Variants in RBFOX1 observed in about 807,000 individuals in gnomAD.
RBFOX1 encodes the protein RNA binding protein fox-1 homolog 1.
RBFOX1 carries 8 observed loss-of-function variants against 57.7 expected under a neutral mutation model. That is an observed-to-expected ratio of 0.14 (90% CI 0.08 to 0.25). The LOEUF (loss-of-function observed/expected upper bound fraction) is 0.25. Among genes scored for constraint, RBFOX1 ranks in the 10% least tolerant of loss-of-function variants. RBFOX1 has a pLI of 1.00. For missense variants in RBFOX1, 611 were observed against 548.5 expected, an observed-to-expected ratio of 1.11 and a Z score of -1.14; for synonymous variants, 326 against 222.4, an observed-to-expected ratio of 1.47 and a Z score of -4.15.
intron 4 of RBFOX1, among the ~76,000 whole-genome samples, chr16:7,256,656 C>G (rs1012026918): frequency 6.6e-5 from 10 of 152,306 alleles, no homozygotes; most frequent in African/African-American, 2.2e-4. Context: ...CCTCTTGTAA[C>G]TAAGAATCCA....
intron 14 of RBFOX1, among the ~76,000 whole-genome samples, chr16:7,678,124 G>T (rs1199448682): frequency 3.3e-5 from 5 of 152,174 alleles, no homozygotes; most frequent in Non-Finnish European, 7.4e-5. Context: ...TTCTATGCAG[G>T]TATCATTTTC....
chr16:5,385,282 C>T (rs2066228219), intron 1 of RBFOX1, among the ~76,000 whole-genome samples: 1 of 152,190 alleles, frequency 6.6e-6, no homozygotes, highest in Non-Finnish European at 1.5e-5. Context: ...CCCTTCTAGG[C>T]TGCACTGATT....
At chr16:7,658,066 G>A (rs112782008) in intron 12 of RBFOX1, among the ~76,000 whole-genome samples, 2,766 of 152,254 alleles carry the variant, frequency 0.018, 40 homozygotes, top group Middle Eastern at 0.037. Context: ...GTCGATAGAG[G>A]GTGAAGCAGG....
At chr16:5,960,376 C>T (rs2059724259) in intron 4 of RBFOX1, among the ~76,000 whole-genome samples, 1 of 152,092 alleles carries the variant, frequency 6.6e-6, no homozygotes, top group Non-Finnish European at 1.5e-5. Flanking sequence ...GAAGGTGACC[C>T]AAACCTATTA....
chr16:6,306,925 GC>G (rs1427718159), intron 1 of RBFOX1, among the ~76,000 whole-genome samples: 1 of 152,140 alleles, frequency 6.6e-6, no homozygotes, highest in Non-Finnish European at 1.5e-5. Flanking sequence ...GGAAGATATA[GC>G]TACTTTGTGA....
At chr16:5,695,514 T>C (rs2050819453) in intron 3 of RBFOX1, among the ~76,000 whole-genome samples, 1 of 152,200 alleles carries the variant, frequency 6.6e-6, no homozygotes. Context: ...GGATGGGGAA[T>C]TTGATGATAG....
chr16:7,647,593 C>T (rs368779721), intron 11 of RBFOX1, among the ~76,000 whole-genome samples: 3 of 151,556 alleles, frequency 2.0e-5, no homozygotes, highest in East Asian at 3.9e-4. Flanking sequence ...TTAGAAATGA[C>T]CATTGTTTGG....
At position 7,145,812 on chromosome 16, in the gene RBFOX1, C is replaced by G. The variant is rs545829212; in HGVS notation, c.27+93714C>G. ...CTATACCTCTCTCTGTTTGTGTTCCCGCACACACACTACTTCTCCATGGCT... is the reference window on the plus strand; with the variant it reads ...CTATACCTCTCTCTGTTTGTGTTCCGGCACACACACTACTTCTCCATGGCT... On this transcript the variant is annotated intron_variant, in intron 4 of 15. Transcript: ENST00000550418. 9.2e-5 allele frequency among the ~76,000 whole-genome samples: 14 copies of G among 152,224 alleles called. No homozygotes were observed. The East Asian group carries it at 2.1e-3, about 23-fold the overall frequency.
At chr16:6,087,233 TC>T (rs2096099899) in intron 1 of RBFOX1, among the ~76,000 whole-genome samples, 1 of 152,176 alleles carries the variant, frequency 6.6e-6, no homozygotes, top group African/African-American at 2.4e-5. Context: ...GGAATTTAGG[TC>T]CAACGAAAAG....
intron 2 of RBFOX1, among the ~76,000 whole-genome samples, chr16:6,573,356 C>G (rs1414848409): frequency 6.6e-6 from 1 of 152,170 alleles, no homozygotes; most frequent in Non-Finnish European, 1.5e-5. Flanking sequence ...CCCGGACTGT[C>G]TTTCTCTCAG....
chr16:5,977,253 CCT>C (rs1271919632), intron 4 of RBFOX1, among the ~76,000 whole-genome samples: 2 of 152,182 alleles, frequency 1.3e-5, no homozygotes, highest in Non-Finnish European at 2.9e-5. Flanking sequence ...CTCCTCACCA[CCT>C]CTCTGCCTGC....
chr16:6,166,884 C>T (rs1446307037), intron 1 of RBFOX1, among the ~76,000 whole-genome samples: 1 of 152,180 alleles, frequency 6.6e-6, no homozygotes, highest in Non-Finnish European at 1.5e-5. Flanking sequence ...AGCAATTCTT[C>T]CGCCTCAGCC....
intron 4 of RBFOX1, among the ~76,000 whole-genome samples, chr16:7,340,427 C>A (rs1314424487): frequency 6.6e-6 from 1 of 152,138 alleles, no homozygotes; most frequent in East Asian, 1.9e-4. Context: ...ATCAGATTTG[C>A]CAAAGGCAGG....
At chr16:5,319,322 C>T (rs577536999) in intron 1 of RBFOX1, among the ~76,000 whole-genome samples, 13 of 152,308 alleles carry the variant, frequency 8.5e-5, no homozygotes, top group African/African-American at 2.9e-4. Context: ...GCCAAGCATT[C>T]ACTCCTAAGC....
intron 3 of RBFOX1, among the ~76,000 whole-genome samples, chr16:5,802,604 G>A (rs955343799): frequency 6.6e-6 from 1 of 152,290 alleles, no homozygotes; most frequent in Non-Finnish European, 1.5e-5. Context: ...AGAGGAGCAT[G>A]TCTGGATCCA....
intron 4 of RBFOX1, among the ~76,000 whole-genome samples, chr16:7,107,581 C>T (rs918911162): frequency 1.3e-5 from 2 of 152,142 alleles, no homozygotes; most frequent in Non-Finnish European, 2.9e-5. Context: ...TAGTGAACAT[C>T]TGTCACCCCA....
At chr16:7,693,370 A>T (rs1287962483) in intron 14 of RBFOX1, 1 of 1,610,412 alleles carries the variant, frequency 6.2e-7, no homozygotes, top group Non-Finnish European at 8.5e-7. Context: ...CTCTGCAGGT[A>T]ACAAACGTTG....
At chr16:7,160,193 CT>C (rs778852717) in intron 4 of RBFOX1, among the ~76,000 whole-genome samples, 1,510 of 142,300 alleles carry the variant, frequency 0.011, 8 homozygotes, top group Middle Eastern at 0.051. Flanking sequence ...TGACTTTTGA[CT>C]TTTTTTTTTT....
intron 14 of RBFOX1, among the ~76,000 whole-genome samples, chr16:7,688,511 G>C (rs1050690705): frequency 1.3e-5 from 2 of 151,946 alleles, no homozygotes; most frequent in Non-Finnish European, 2.9e-5. Flanking sequence ...AGCATCTCAT[G>C]TCCCCTCCAG....
Sources: gnomAD v4.1 joint callset for allele counts (sites outside exome capture counted in the v4.1 genomes callset) on GRCh38, gnomAD v4.1.1 for gene constraint, MANE v1.5 for transcripts, NCBI Gene and HGNC (gene_info 2026-07-23, HGNC 2026-07-21) for gene names.